The following GRK5 variants were observed in gnomAD, a reference collection of about 807,000 sequenced individuals.
GRK5 encodes G protein-coupled receptor kinase 5.
A neutral mutation model predicts 78.4 loss-of-function variants in GRK5; 40 were observed. The ratio of observed to expected loss-of-function variants is 0.51; its 90% CI spans 0.40 to 0.66. GRK5 has a LOEUF of 0.66. GRK5 is among the 30% of genes least tolerant of loss of function. The pLI is 0.00. For synonymous variants in GRK5, 289 were observed against 296.8 expected, an observed-to-expected ratio of 0.97 and a Z score of 0.27; for missense variants, 598 against 759.9, an observed-to-expected ratio of 0.79 and a Z score of 2.50.
At position 119,452,859 on chromosome 10, in the gene GRK5, C is replaced by T. The variant is rs370371530; in HGVS notation, c.1542+51C>T. 1.8e-4 allele frequency: 286 copies of T among 1,561,640 alleles called. 1 individual carries two copies. Among genetic ancestry groups the T allele is most frequent in the Admixed American group, 2.7e-4 (16 of 58,294 alleles). Reference sequence around the variant, plus strand: ...GGTCTGGGTGGGAGGGAGGGACTGACGGGTGGAAGGAGGCGTCGGGAATAT... The same window carrying T: ...GGTCTGGGTGGGAGGGAGGGACTGATGGGTGGAAGGAGGCGTCGGGAATAT... On this transcript the variant is annotated intron_variant, in intron 14 of 15. Transcript: ENST00000392870. This position sits in a 1 kb window ranked among gnomAD's most constrained non-coding sequence, Gnocchi z 4.4.
Position 119,209,264 on chromosome 10 carries a change from G to A in GRK5, c.52+1295G>A, listed in dbSNP as rs554309868. Among the ~76,000 whole-genome samples, 53 of 152,274 alleles carry A rather than the reference G, an allele frequency of 3.5e-4. No homozygotes were observed. In the South Asian group the frequency reaches 0.01, roughly 30 times the overall value. ...TTCAGCAACTCAACCCGGCATTCGT[G>A]TCTTACTTTCGTCGTCACTTGTCAC... is the stretch of plus-strand genomic sequence containing the variant. On this transcript the variant is annotated intron_variant, in intron 1 of 15. Transcript: ENST00000392870.
At chr10:119,442,166 C>A in intron 11 of GRK5, 78 bp downstream of exon 11, 2 of 1,118,454 alleles carry the variant, frequency 1.8e-6, no homozygotes, top group Non-Finnish European at 2.7e-6. Flanking sequence ...CCAGAGCCTG[C>A]CCGCAGAGCC....
chr10:119,298,108 T>C (rs1385433867), intron 1 of GRK5, among the ~76,000 whole-genome samples: 3 of 152,226 alleles, frequency 2.0e-5, no homozygotes, highest in Non-Finnish European at 4.4e-5. Flanking sequence ...TAACATTTAT[T>C]GAGCACTTAC....
chr10:119,307,786 C>G (rs984694050), intron 1 of GRK5, among the ~76,000 whole-genome samples: 40 of 152,236 alleles, frequency 2.6e-4, no homozygotes, highest in Admixed American at 2.6e-3. Flanking sequence ...GCCCTCCTTT[C>G]TGCATACACA....
chr10:119,444,054 G>T (rs748348179), intron 12 of GRK5, among the ~76,000 whole-genome samples: 6 of 152,144 alleles, frequency 3.9e-5, no homozygotes, highest in Admixed American at 2.0e-4. Flanking sequence ...CACACAGGGC[G>T]GAGAAGAGAT....
intron 1 of GRK5, among the ~76,000 whole-genome samples, chr10:119,243,845 A>G (rs968627172): frequency 1.3e-5 from 2 of 152,194 alleles, no homozygotes; most frequent in Non-Finnish European, 2.9e-5. Flanking sequence ...GATAGGACCT[A>G]GTGGTTCATC....
At chr10:119,432,385 C>A (rs1852837446) in intron 8 of GRK5, among the ~76,000 whole-genome samples, 1 of 152,220 alleles carries the variant, frequency 6.6e-6, no homozygotes, top group South Asian at 2.1e-4. Flanking sequence ...GATTTCGAGG[C>A]TGCAGTGAAC....
In GRK5 at chr10:119,341,947, G is replaced by A. The variant is rs185357358; in HGVS notation, c.148+15336G>A. Among the ~76,000 whole-genome samples the A allele has an allele frequency of 2.7e-3, 413 of 152,208 alleles. 1 individual carries two copies. Among genetic ancestry groups the A allele is most frequent in the African/African-American group, 9.5e-3 (393 of 41,504 alleles). On this transcript the variant is annotated intron_variant, in intron 2 of 15. Transcript: ENST00000392870. Reference sequence around the variant, plus strand: ...AGAGAGATTCCTAGTTGCACCTCCCGCCAAGGGCAGTGACCCCACTTTTCT... The same window carrying A: ...AGAGAGATTCCTAGTTGCACCTCCCACCAAGGGCAGTGACCCCACTTTTCT...
At chr10:119,415,372 G>A (rs1352091803) in intron 4 of GRK5, among the ~76,000 whole-genome samples, 1 of 152,198 alleles carries the variant, frequency 6.6e-6, no homozygotes, top group African/African-American at 2.4e-5. Context: ...GAGCACTGGA[G>A]AGCAGGGGAA....
In GRK5 at chr10:119,436,676, C is replaced by T. The variant is rs745516627; in HGVS notation, c.764C>T (p.Thr255Ile). The change falls in exon 9 of 16, where the codon ACC becomes ATC. Residue 255 changes from threonine to isoleucine, a missense_variant. Coordinates refer to ENST00000392870, the MANE Select transcript of GRK5 (RefSeq NM_005308.3). The stretch of plus-strand genomic sequence containing the variant: ...GTCAACCTGGCCTATGCCTACGAGA[C>T]CAAGGATGCACTGTGCTTGGTCCTG... ...FVVNLAYAYE[T>I]KDALCLVLTI... The T allele has an allele frequency of 6.8e-6, 11 of 1,614,184 alleles. No homozygotes were observed. Among genetic ancestry groups the T allele is most frequent in the Non-Finnish European group, 7.6e-6 (9 of 1,180,044 alleles).
At chr10:119,358,919 G>A (rs1851311617) in intron 2 of GRK5, among the ~76,000 whole-genome samples, 1 of 152,026 alleles carries the variant, frequency 6.6e-6, no homozygotes, top group Non-Finnish European at 1.5e-5. Context: ...TGAGCTCTCT[G>A]GTGTCTCTTC....
chr10:119,322,033 T>C (rs527286043), intron 1 of GRK5, among the ~76,000 whole-genome samples: 1 of 152,186 alleles, frequency 6.6e-6, no homozygotes, highest in Non-Finnish European at 1.5e-5. Flanking sequence ...CAGGCTAGAG[T>C]GCAGTGGCAT....
At chr10:119,355,528 C>T (rs1356745881) in intron 2 of GRK5, among the ~76,000 whole-genome samples, 1 of 152,222 alleles carries the variant, frequency 6.6e-6, no homozygotes, top group African/African-American at 2.4e-5. Context: ...CGCCTGTTAT[C>T]CCAGCACTTT....
rs1160107467 is a variant in GRK5 at position 119,238,597 on chromosome 10, T to TCTTAGA, written c.52+30630_52+30635dup. Among the ~76,000 whole-genome samples, 1 of 152,166 alleles carries TCTTAGA rather than the reference T, an allele frequency of 6.6e-6. No individual in the cohort carries two copies. Among genetic ancestry groups the TCTTAGA allele is most frequent in the Non-Finnish European group, 1.5e-5 (1 of 68,032 alleles). ...AATATGCAGGAAAACACCCGCCTTC[T>TCTTAGA]CTTAGACATGTAGGGTTCGCGCCGT... On this transcript the variant is annotated intron_variant, in intron 1 of 15. Transcript: ENST00000392870. The surrounding 1 kb of genome is among the most constrained non-coding windows in gnomAD (Gnocchi z 4.7).
chr10:119,251,456 GGA>G (rs747450588), intron 1 of GRK5, among the ~76,000 whole-genome samples: 14 of 152,268 alleles, frequency 9.2e-5, no homozygotes, highest in South Asian at 8.3e-4. Flanking sequence ...GTCTTTACTC[GGA>G]GCTGTCTCCC....
intron 5 of GRK5, 28 bp from the exon 6 acceptor site, chr10:119,424,965 G>A: frequency 2.0e-6 from 3 of 1,480,894 alleles, no homozygotes; most frequent in Non-Finnish European, 2.8e-6. Flanking sequence ...ATTATAAAAT[G>A]TTCATCCTCT....
chr10:119,312,674 A>AG (rs1850379950), intron 1 of GRK5, among the ~76,000 whole-genome samples: 2 of 152,182 alleles, frequency 1.3e-5, no homozygotes, highest in Admixed American at 6.5e-5. Flanking sequence ...GGGAGGCAGT[A>AG]GGGGCCGAAT....
intron 1 of GRK5, among the ~76,000 whole-genome samples, chr10:119,209,487 G>GGTT (rs1848446754): frequency 1.0e-5 from 1 of 98,924 alleles, no homozygotes; most frequent in East Asian, 2.5e-4. Context: ...TGTGTGTGTG[G>GGTT]TTTTTTTTTT....
At chr10:119,224,011 C>T (rs111570510) in intron 1 of GRK5, among the ~76,000 whole-genome samples, 179 of 152,126 alleles carry the variant, frequency 1.2e-3, no homozygotes, top group African/African-American at 4.0e-3. Flanking sequence ...AAGCAGAACC[C>T]CAAGTCCGGC....
Sources: allele counts gnomAD v4.1 joint callset (sites outside exome capture counted in the v4.1 genomes callset), GRCh38; gene constraint gnomAD v4.1.1; non-coding constraint Gnocchi (gnomAD v3.1); transcripts MANE v1.5; gene names NCBI Gene and HGNC (gene_info 2026-07-23, HGNC 2026-07-21).